The following SGCZ variants were observed in gnomAD, a reference collection of about 807,000 sequenced individuals.
SGCZ encodes the protein sarcoglycan zeta.
A neutral mutation model predicts 41.3 loss-of-function variants in SGCZ; 40 were observed. The ratio of observed to expected loss-of-function variants is 0.97; its 90% CI spans 0.75 to 1.26. The LOEUF (loss-of-function observed/expected upper bound fraction) is 1.26. SGCZ is among the 50% of genes most tolerant of loss of function. The pLI is 0.00. For synonymous variants in SGCZ, 206 were observed against 137.5 expected (o/e 1.50, Z -3.49); for missense variants, 552 against 369.8 (o/e 1.49, Z -4.04).
chr8:14,238,368 A>C (rs759171544), intron 3 of SGCZ, among the ~76,000 whole-genome samples: 150 of 152,346 alleles, frequency 9.8e-4, no homozygotes, highest in Non-Finnish European at 1.7e-3. Flanking sequence ...AAAAATCTTC[A>C]GAGTAAAATT....
chr8:14,120,528 TCTATA>T (rs1802665949), intron 5 of SGCZ, among the ~76,000 whole-genome samples: 1 of 152,094 alleles, frequency 6.6e-6, no homozygotes, highest in African/African-American at 2.4e-5. Context: ...TTAATTCAAC[TCTATA>T]CTATATATAG....
chr8:15,030,605 G>A (rs1035421537), intron 1 of SGCZ, among the ~76,000 whole-genome samples: 1 of 152,160 alleles, frequency 6.6e-6, no homozygotes, highest in African/African-American at 2.4e-5. Context: ...AAAGACATTC[G>A]TTAAGTGGAG....
intron 2 of SGCZ, among the ~76,000 whole-genome samples, chr8:14,526,964 C>A (rs1050566788): frequency 1.3e-5 from 2 of 152,060 alleles, no homozygotes; most frequent in Non-Finnish European, 2.9e-5. Flanking sequence ...CAGACAACTG[C>A]CGACTTGTAC....
intron 1 of SGCZ, among the ~76,000 whole-genome samples, chr8:15,009,654 G>A (rs982517081): frequency 6.6e-6 from 1 of 152,104 alleles, no homozygotes; most frequent in Admixed American, 6.5e-5. Flanking sequence ...TCGAGAATAA[G>A]TCCTAAGAAA....
At chr8:14,795,628 T>G (rs1801097669) in intron 1 of SGCZ, among the ~76,000 whole-genome samples, 1 of 152,164 alleles carries the variant, frequency 6.6e-6, no homozygotes. Context: ...AGCCCTCATA[T>G]TAAAATGCAA....
chr8:14,885,985 TTATATATATATATATATATATATATA>T lies in SGCZ; in HGVS notation c.40-331085_40-331060del, dbSNP rs71209089. ...TTTTTTAATCATAAAGGACTTTATG[TTATATATATATATATATATATATATA>T]TATATATATATATATATATATATAA... On this transcript the variant is annotated intron_variant, in intron 1 of 7. Coordinates refer to ENST00000382080, the MANE Select transcript of SGCZ (RefSeq NM_139167.4). 6.1e-4 allele frequency among the ~76,000 whole-genome samples: 34 copies of T among 55,984 alleles called. 2 individuals carry two copies. The highest frequency in any genetic ancestry group is 3.4e-3 in the South Asian group (4 of 1,182). 36.7% of individuals were successfully genotyped at this position (55,984 alleles called of 152,430 possible).
chr8:14,602,368 G>A (rs753968294), intron 1 of SGCZ, among the ~76,000 whole-genome samples: 1 of 151,946 alleles, frequency 6.6e-6, no homozygotes, highest in Non-Finnish European at 1.5e-5. Context: ...GCTCGCACCT[G>A]TAATTCCAGG....
At chr8:14,128,121 T>G (rs1444887963) in intron 5 of SGCZ, among the ~76,000 whole-genome samples, 3 of 152,198 alleles carry the variant, frequency 2.0e-5, no homozygotes, top group Non-Finnish European at 2.9e-5. Flanking sequence ...AAAAAAATGC[T>G]TATACACTGC....
intron 1 of SGCZ, among the ~76,000 whole-genome samples, chr8:15,026,578 T>C (rs1803464465): frequency 6.6e-6 from 1 of 152,192 alleles, no homozygotes; most frequent in Non-Finnish European, 1.5e-5. Context: ...TGTGCTCAGA[T>C]ACCACTAGAG....
intron 1 of SGCZ, among the ~76,000 whole-genome samples, chr8:14,604,275 T>A (rs551988548): frequency 6.6e-6 from 1 of 152,128 alleles, no homozygotes; most frequent in East Asian, 1.9e-4. Flanking sequence ...CCAACTTCAA[T>A]TGATCGTCAG....
intron 1 of SGCZ, among the ~76,000 whole-genome samples, chr8:14,727,959 C>T (rs1459406483): frequency 2.0e-5 from 3 of 152,128 alleles, no homozygotes; most frequent in African/African-American, 4.8e-5. Context: ...CATAAGTGCA[C>T]AGTAAAAAAT....
At chr8:15,068,537 G>A (rs1007016987) in intron 1 of SGCZ, among the ~76,000 whole-genome samples, 1 of 152,126 alleles carries the variant, frequency 6.6e-6, no homozygotes, top group African/African-American at 2.4e-5. Context: ...GATGTTCACA[G>A]AAGTTCAATA....
chr8:14,674,576 G>C (rs1041385773), intron 1 of SGCZ, among the ~76,000 whole-genome samples: 2 of 152,074 alleles, frequency 1.3e-5, no homozygotes, highest in Admixed American at 1.3e-4. Flanking sequence ...TTTCAGTTTT[G>C]ATACGGTTTG....
At chr8:14,360,243 T>C (rs182972326) in intron 2 of SGCZ, among the ~76,000 whole-genome samples, 3 of 152,210 alleles carry the variant, frequency 2.0e-5, no homozygotes, top group African/African-American at 7.2e-5. Flanking sequence ...TTCAACATAG[T>C]TCCAGAAGTT....
chr8:14,363,437 T>C (rs1803596985), intron 2 of SGCZ, among the ~76,000 whole-genome samples: 1 of 152,208 alleles, frequency 6.6e-6, no homozygotes, highest in South Asian at 2.1e-4. Flanking sequence ...AGCAGCACTT[T>C]GGCATTTTGT....
intron 5 of SGCZ, among the ~76,000 whole-genome samples, chr8:14,112,561 T>C (rs1716646697): frequency 6.6e-6 from 1 of 152,240 alleles, no homozygotes; most frequent in Admixed American, 6.5e-5. Context: ...CTTCCTACCT[T>C]ACTTTCTTTT....
intron 1 of SGCZ, chr8:14,853,370 T>G: frequency 2.1e-6 from 1 of 480,232 alleles, no homozygotes; most frequent in Admixed American, 2.0e-5. Context: ...GTCCACCAAA[T>G]GCAGTTCCCT....
At chr8:14,914,540 T>A in intron 1 of SGCZ, among the ~76,000 whole-genome samples, 2 of 149,556 alleles carry the variant, frequency 1.3e-5, no homozygotes. Context: ...GAAAAAAAAA[T>A]GCATTTAAAA....
At chr8:14,543,391 C>T (rs1803528612) in intron 2 of SGCZ, among the ~76,000 whole-genome samples, 1 of 151,702 alleles carries the variant, frequency 6.6e-6, no homozygotes, top group Non-Finnish European at 1.5e-5. Flanking sequence ...CTGCTGAGTT[C>T]TTAAAACACA....
Sources: gnomAD v4.1 joint callset for allele counts (sites outside exome capture counted in the v4.1 genomes callset) on GRCh38, gnomAD v4.1.1 for gene constraint, MANE v1.5 for transcripts, NCBI Gene and HGNC (gene_info 2026-07-23, HGNC 2026-07-21) for gene names.